The following PLCH1 variants were observed in gnomAD, a reference collection of about 807,000 sequenced individuals.
PLCH1 encodes the protein phospholipase C eta 1.
In PLCH1, 60 loss-of-function variants were observed where a neutral mutation model predicts 126.7. The ratio of observed to expected loss-of-function variants is 0.47; its 90% CI spans 0.38 to 0.59. The LOEUF (loss-of-function observed/expected upper bound fraction) is 0.59. PLCH1 is among the 20% of genes least tolerant of loss of function. PLCH1 has a pLI of 0.00. For missense variants in PLCH1, 1,723 were observed against 2,040.0 expected (o/e 0.84, Z 2.99); for synonymous variants, 719 against 734.9 (o/e 0.98, Z 0.35).
At chr3:155,704,872 C>G (rs1746542178) in intron 1 of PLCH1, among the ~76,000 whole-genome samples, 1 of 152,208 alleles carries the variant, frequency 6.6e-6, no homozygotes, top group Non-Finnish European at 1.5e-5. Context: ...GGTAAACTAG[C>G]AGTGCCTGCT....
intron 2 of PLCH1, among the ~76,000 whole-genome samples, chr3:155,610,734 T>G (rs1292871395): frequency 6.6e-6 from 1 of 151,210 alleles, no homozygotes; most frequent in Non-Finnish European, 1.5e-5. Context: ...AAACAAAACC[T>G]CAAAATACAC....
At chr3:155,597,310 G>A (rs1227828766) in intron 2 of PLCH1, among the ~76,000 whole-genome samples, 1 of 152,152 alleles carries the variant, frequency 6.6e-6, no homozygotes, top group East Asian at 1.9e-4. Context: ...TTCAACAACT[G>A]AGATACTCCT....
chr3:155,497,288 C>T, intron 15 of PLCH1, 32 bp downstream of exon 15: 1 of 1,366,126 alleles, frequency 7.3e-7, no homozygotes, highest in Non-Finnish European at 1.0e-6. Flanking sequence ...AATGTTTATT[C>T]AGAGCAGAAT....
intron 1 of PLCH1, among the ~76,000 whole-genome samples, chr3:155,727,145 T>A (rs1748395785): frequency 6.6e-6 from 1 of 152,002 alleles, no homozygotes; most frequent in Non-Finnish European, 1.5e-5. Context: ...TTAAATGAGC[T>A]TGGAAAAATA....
Position 155,458,432 on chromosome 3 carries a change from AGG to A in PLCH1, c.2938+26922_2938+26923del, listed in dbSNP as rs1172658100. Among the ~76,000 whole-genome samples the A allele has an allele frequency of 2.8e-3, 250 of 90,260 alleles. 2 individuals are homozygous for A. The highest frequency in any genetic ancestry group is 7.9e-3 in the Middle Eastern group (2 of 252). 59.2% of individuals were successfully genotyped at this position (90,260 alleles called of 152,430 possible). A position where few individuals can be genotyped will look rare whatever the true frequency, so the allele number is the denominator to read the frequency against. On this transcript the variant is annotated intron_variant, in intron 21 of 21. Coordinates refer to the PLCH1 transcript ENST00000494598. ...AAGGAAGGAAGGAAGGAAGGAAGGA[AGG>A]AAGGAAGGAAGGAAGGAAGGAAAGA... is the stretch of plus-strand genomic sequence containing the variant.
At chr3:155,538,495 C>T (rs773619822) in intron 10 of PLCH1, among the ~76,000 whole-genome samples, 2 of 151,936 alleles carry the variant, frequency 1.3e-5, no homozygotes, top group African/African-American at 4.8e-5. Flanking sequence ...AATTGATAGA[C>T]CATTTGCAAG....
chr3:155,568,189 CTGAA>C, intron 7 of PLCH1, 38 bp downstream of exon 7: 1 of 878,244 alleles, frequency 1.1e-6, no homozygotes, highest in South Asian at 1.5e-5. Context: ...ACTTAACAGG[CTGAA>C]TCAAGAAATG....
chr3:155,574,210 C>G (rs540300682), intron 6 of PLCH1, among the ~76,000 whole-genome samples: 1 of 152,124 alleles, frequency 6.6e-6, no homozygotes, highest in South Asian at 2.1e-4. Context: ...CCACCATACC[C>G]AGCCCCCCTT....
At chr3:155,545,118 CAACAA>C (rs1312393513) in intron 10 of PLCH1, among the ~76,000 whole-genome samples, 1 of 151,808 alleles carries the variant, frequency 6.6e-6, no homozygotes, top group Admixed American at 6.6e-5. Flanking sequence ...TTGAAAAGAT[CAACAA>C]AATTGATAGA....
At chr3:155,604,834 G>A (rs1266462859) in intron 2 of PLCH1, among the ~76,000 whole-genome samples, 1 of 152,160 alleles carries the variant, frequency 6.6e-6, no homozygotes, top group Non-Finnish European at 1.5e-5. Flanking sequence ...CATTCTCTGT[G>A]CAAACTGGTT....
chr3:155,710,144 C>T (rs1440760413), intron 1 of PLCH1, among the ~76,000 whole-genome samples: 1 of 152,116 alleles, frequency 6.6e-6, no homozygotes, highest in Admixed American at 6.5e-5. Context: ...CACGCCACCA[C>T]ACCTGGCGAA....
At chr3:155,679,201 G>A (rs912989539) in intron 2 of PLCH1, among the ~76,000 whole-genome samples, 1 of 152,150 alleles carries the variant, frequency 6.6e-6, no homozygotes, top group Admixed American at 6.5e-5. Flanking sequence ...GTATAAGTAT[G>A]TCCCATGATA....
chr3:155,539,157 A>T (rs1019623479), intron 10 of PLCH1, among the ~76,000 whole-genome samples: 4 of 152,192 alleles, frequency 2.6e-5, no homozygotes, highest in African/African-American at 9.7e-5. Context: ...CAAAAATCAC[A>T]TGATCATCTC....
intron 10 of PLCH1, among the ~76,000 whole-genome samples, chr3:155,527,993 G>A (rs1352723195): frequency 6.6e-6 from 1 of 151,412 alleles, no homozygotes; most frequent in Non-Finnish European, 1.5e-5. Context: ...GGAGGCCAAG[G>A]AGGACAGATC....
chr3:155,692,371 A>G (rs925851591), intron 2 of PLCH1, among the ~76,000 whole-genome samples: 8 of 152,170 alleles, frequency 5.3e-5, no homozygotes, highest in Non-Finnish European at 8.8e-5. Context: ...TAGTCAACCA[A>G]CAACTTCAAT....
rs116335023 is a variant in PLCH1 at position 155,631,872 on chromosome 3, C to T, written c.80-35494G>A. ...ACTAGTGGCCATTTAAATGCTCTTT[C>T]CCTACGTGAACAAGTGACCACAAGA... On this transcript the variant is annotated intron_variant, in intron 2 of 22. Coordinates refer to ENST00000460012, the MANE Select transcript of PLCH1 (RefSeq NM_014996.4). 6.5e-3 allele frequency among the ~76,000 whole-genome samples: 982 copies of T among 151,142 alleles called. 16 individuals carry two copies. Among genetic ancestry groups the T allele is most frequent in the African/African-American group, 0.023 (928 of 41,042 alleles).
At chr3:155,465,124 AAAG>A (rs1192740237) in intron 21 of PLCH1, among the ~76,000 whole-genome samples, 1 of 151,928 alleles carries the variant, frequency 6.6e-6, no homozygotes. Flanking sequence ...AAAAAAAAAA[AAAG>A]AGTGACAGAC....
intron 2 of PLCH1, among the ~76,000 whole-genome samples, chr3:155,636,184 A>G (rs765495826): frequency 2.6e-5 from 4 of 152,170 alleles, no homozygotes; most frequent in Non-Finnish European, 4.4e-5. Flanking sequence ...ATTCAGCAGG[A>G]AACTGGAATA....
chr3:155,690,847 G>A (rs1432453125), intron 2 of PLCH1, among the ~76,000 whole-genome samples: 1 of 152,126 alleles, frequency 6.6e-6, no homozygotes, highest in Non-Finnish European at 1.5e-5. Flanking sequence ...AATCATCTGA[G>A]GACCTTGTTA....
Sources: allele counts gnomAD v4.1 joint callset (sites outside exome capture counted in the v4.1 genomes callset), GRCh38; gene constraint gnomAD v4.1.1; transcripts MANE v1.5; gene names NCBI Gene and HGNC (gene_info 2026-07-23, HGNC 2026-07-21).